The following FBXO4 variants were observed in gnomAD, a reference collection of about 807,000 sequenced individuals.
The protein encoded by FBXO4 is F-box only protein 4.
In FBXO4, 36 loss-of-function variants were observed where a neutral mutation model predicts 43.7. The observed-to-expected ratio is 0.82, with a 90% CI of 0.63 to 1.09. The LOEUF is 1.09. Among genes scored for constraint, FBXO4 ranks in the 50% least tolerant of loss-of-function variants. FBXO4 has a pLI of 0.00. For missense variants in FBXO4, 435 were observed against 474.1 expected (o/e 0.92, Z 0.77); for synonymous variants, 180 against 165.6 (o/e 1.09, Z -0.67).
chr5:41,994,220 T>C, the FBXO4 span, among the ~76,000 whole-genome samples: 2 of 152,166 alleles, frequency 1.3e-5, no homozygotes, highest in South Asian at 4.1e-4. Flanking sequence ...AAGTTAACAA[T>C]ACTTAAATGC....
the FBXO4 span, among the ~76,000 whole-genome samples, chr5:41,954,001 T>C: frequency 6.6e-6 from 1 of 152,216 alleles, no homozygotes; most frequent in Non-Finnish European, 1.5e-5. Flanking sequence ...AATTCTAATC[T>C]GAAACATTTA....
chr5:41,965,202 A>C, the FBXO4 span, among the ~76,000 whole-genome samples: 2 of 152,198 alleles, frequency 1.3e-5, no homozygotes, highest in Non-Finnish European at 2.9e-5. Context: ...GTAGACATGC[A>C]GCATTATTTC....
In FBXO4 at chr5:41,941,191, G is replaced by A. The variant is rs765552737; in HGVS notation, c.1075-1G>A. The A allele has an allele frequency of 7.4e-6, 12 of 1,612,508 alleles. No individual in the cohort carries two copies. In the South Asian group the frequency reaches 8.8e-5, roughly 12 times the overall value. ...CAACATTCTCTCTTATGTATTCCGA[G>A]GTCCAGGATACAGAGGCTGAAACTC... is the stretch of plus-strand genomic sequence containing the variant. On this transcript the variant is annotated splice_acceptor_variant, in intron 6 of 6. Coordinates refer to ENST00000281623, the MANE Select transcript of FBXO4 (RefSeq NM_012176.3). LOFTEE classifies it high-confidence loss of function.
At chr5:41,998,972 C>T in the FBXO4 span, among the ~76,000 whole-genome samples, 1 of 151,732 alleles carries the variant, frequency 6.6e-6, no homozygotes, top group African/African-American at 2.4e-5. Context: ...CTCCACTGAA[C>T]TTAGGAGCAG....
the FBXO4 span, among the ~76,000 whole-genome samples, chr5:41,990,602 T>A: frequency 6.6e-6 from 1 of 152,184 alleles, no homozygotes; most frequent in African/African-American, 2.4e-5. Flanking sequence ...ATAATACCAA[T>A]TCCCTAAAAC....
chr5:42,013,494 C>G, the FBXO4 span, among the ~76,000 whole-genome samples: 1 of 152,114 alleles, frequency 6.6e-6, no homozygotes, highest in Non-Finnish European at 1.5e-5. Context: ...AGGAGAAAAC[C>G]TGGATTCTAT....
the FBXO4 span, among the ~76,000 whole-genome samples, chr5:42,031,604 TATA>T: frequency 9.9e-5 from 15 of 151,786 alleles, no homozygotes; most frequent in Admixed American, 8.5e-4. Flanking sequence ...AAACTTAAAG[TATA>T]ATAATAATAA....
Position 41,934,310 on chromosome 5 carries a change from T to C in FBXO4, c.898+2T>C. 1 of 1,614,000 alleles carries C rather than the reference T, an allele frequency of 6.2e-7. No individual in the cohort carries two copies. Among genetic ancestry groups the C allele is most frequent in the Non-Finnish European group, 8.5e-7 (1 of 1,179,986 alleles). ...TTGCAAATGCTGAAGCTCATAAAAG[T>C]AAGTACTCATATGTACATTTTTAAG... On this transcript the variant is annotated splice_donor_variant, in intron 5 of 6. Transcript: ENST00000281623. LOFTEE classifies it high-confidence loss of function.
chr5:41,993,702 A>C, the FBXO4 span, among the ~76,000 whole-genome samples: 1 of 151,602 alleles, frequency 6.6e-6, no homozygotes, highest in Admixed American at 6.6e-5. Flanking sequence ...TCACATGATC[A>C]CAAGGTTCCA....
At chr5:42,002,864 A>C in the FBXO4 span, among the ~76,000 whole-genome samples, 1 of 152,192 alleles carries the variant, frequency 6.6e-6, no homozygotes, top group Non-Finnish European at 1.5e-5. Flanking sequence ...CAGTATACTC[A>C]TGCCCTGGTG....
In FBXO4 at chr5:41,929,820, A is replaced by C. The variant is rs377366379; in HGVS notation, c.549A>C (p.Gly183=). Residue 183 remains glycine (G), a synonymous_variant, in exon 3 of 7, where the codon GGA becomes GGC. Transcript: ENST00000281623. ...IQNEPRFAMF[G]PGLEELNTSL... is the part of the protein sequence containing the mutation. ...ATGAACCACGATTTGCTATGTTTGG[A>C]CCAGGTTTGGAAGAATTGAATACCT... The C allele has an allele frequency of 3.7e-6, 6 of 1,614,040 alleles. No individual in the cohort carries two copies. Among genetic ancestry groups the C allele is most frequent in the Admixed American group, 1.7e-5 (1 of 59,996 alleles).
the FBXO4 span, among the ~76,000 whole-genome samples, chr5:42,039,479 G>C: frequency 6.6e-6 from 1 of 151,988 alleles, no homozygotes; most frequent in Non-Finnish European, 1.5e-5. Flanking sequence ...GTTCCTACCT[G>C]TGGAACTATG....
the FBXO4 span, among the ~76,000 whole-genome samples, chr5:41,995,253 G>T: frequency 2.6e-5 from 4 of 152,192 alleles, no homozygotes; most frequent in Non-Finnish European, 5.9e-5. Context: ...TCCATTGGTG[G>T]TAGTCTTGGC....
chr5:42,040,135 G>C, the FBXO4 span, among the ~76,000 whole-genome samples: 1 of 152,044 alleles, frequency 6.6e-6, no homozygotes, highest in Non-Finnish European at 1.5e-5. Context: ...CCTAGCAGCA[G>C]AAAACTAATA....
the FBXO4 span, among the ~76,000 whole-genome samples, chr5:41,978,269 C>G: frequency 6.6e-6 from 1 of 152,056 alleles, no homozygotes; most frequent in South Asian, 2.1e-4. Flanking sequence ...GAGGGATCTA[C>G]CCCTGTGAAA....
the FBXO4 span, among the ~76,000 whole-genome samples, chr5:41,969,520 A>G: frequency 1.3e-5 from 2 of 152,278 alleles, no homozygotes; most frequent in East Asian, 3.8e-4. Context: ...GGTAATCCAT[A>G]CTATAATATT....
At chr5:41,958,750 C>T in the FBXO4 span, among the ~76,000 whole-genome samples, 4 of 152,186 alleles carry the variant, frequency 2.6e-5, no homozygotes, top group Non-Finnish European at 5.9e-5. Context: ...AAGAATGGAA[C>T]AGTATTCCAT....
chr5:41,961,928 C>G, the FBXO4 span, among the ~76,000 whole-genome samples: 1 of 152,200 alleles, frequency 6.6e-6, no homozygotes, highest in Non-Finnish European at 1.5e-5. Flanking sequence ...CAGCCTTTGT[C>G]TTTCTTCTTT....
the FBXO4 span, among the ~76,000 whole-genome samples, chr5:41,950,868 A>G: frequency 6.6e-6 from 1 of 152,216 alleles, no homozygotes; most frequent in African/African-American, 2.4e-5. Context: ...TACACCATGG[A>G]ATACTCTGCA....
Sources: allele counts gnomAD v4.1 joint callset (sites outside exome capture counted in the v4.1 genomes callset), GRCh38; gene constraint gnomAD v4.1.1; transcripts MANE v1.5; gene names NCBI Gene and HGNC (gene_info 2026-07-23, HGNC 2026-07-21).